LRRFIP2: variants seen among roughly 807,000 people sequenced by gnomAD.
LRRFIP2 encodes leucine-rich repeat flightless-interacting protein 2.
A neutral mutation model predicts 125.9 loss-of-function variants in LRRFIP2; 109 were observed. That is an observed-to-expected ratio of 0.87 (90% CI 0.74 to 1.01). The LOEUF (loss-of-function observed/expected upper bound fraction) is 1.01, where lower values mean the gene tolerates loss of function less well. Ranked by LOEUF, LRRFIP2 falls within the 50% of genes least tolerant of loss-of-function variation. The pLI is 0.00. For missense variants in LRRFIP2, 850 were observed against 862.3 expected (o/e 0.99, Z 0.18); for synonymous variants, 291 against 293.1 (o/e 0.99, Z 0.07).
chr3:37,070,872 T>C (rs2091067204), intron 21 of LRRFIP2, among the ~76,000 whole-genome samples: 1 of 152,184 alleles, frequency 6.6e-6, no homozygotes, highest in South Asian at 2.1e-4. Context: ...CTAGAAATCC[T>C]GGGCCTACAG....
intron 8 of LRRFIP2, among the ~76,000 whole-genome samples, chr3:37,111,605 G>C (rs1374953036): frequency 6.6e-6 from 1 of 152,192 alleles, no homozygotes; most frequent in South Asian, 2.1e-4. Flanking sequence ...AATTGAGGGA[G>C]AGAAAACCAT....
At chr3:37,102,211 A>G (rs960282489) in intron 15 of LRRFIP2, among the ~76,000 whole-genome samples, 1 of 152,206 alleles carries the variant, frequency 6.6e-6, no homozygotes, top group African/African-American at 2.4e-5. Flanking sequence ...TAATGATATA[A>G]GAGATCTGAA....
chr3:37,139,221 T>C (rs1427469407), intron 2 of LRRFIP2, among the ~76,000 whole-genome samples: 1 of 152,162 alleles, frequency 6.6e-6, no homozygotes, highest in African/African-American at 2.4e-5. Flanking sequence ...CATAAGTAAC[T>C]GAAACCTCAG....
At chr3:37,137,273 T>C (rs2095582336) in intron 2 of LRRFIP2, among the ~76,000 whole-genome samples, 1 of 152,134 alleles carries the variant, frequency 6.6e-6, no homozygotes, top group East Asian at 1.9e-4. Flanking sequence ...CCACCACACC[T>C]GGCCTTATTT....
intron 1 of LRRFIP2, among the ~76,000 whole-genome samples, chr3:37,173,475 C>G (rs1283725479): frequency 6.6e-6 from 1 of 152,152 alleles, no homozygotes; most frequent in South Asian, 2.1e-4. Context: ...ATGATGATCA[C>G]AGATTATATT....
rs1008322738 is a variant in LRRFIP2 at position 37,057,532 on chromosome 3, C to G, written c.1870+1258G>C. On this transcript the variant is annotated intron_variant, in intron 25 of 27. Transcript: ENST00000336686. ...TAAGCCTTAACCCAAAAAGTCTTTT[C>G]TCTTTTTTTTTTTTTTGAAGAGACG... 4.5e-5 allele frequency among the ~76,000 whole-genome samples: 6 copies of G among 134,770 alleles called. No homozygotes were observed. The East Asian group carries it at 9.8e-4, about 22-fold the overall frequency. 88.4% of individuals were successfully genotyped at this position (134,770 alleles called of 152,430 possible).
At chr3:37,084,497 G>A (rs2092894887) in intron 18 of LRRFIP2, among the ~76,000 whole-genome samples, 1 of 150,988 alleles carries the variant, frequency 6.6e-6, no homozygotes, top group African/African-American at 2.4e-5. Context: ...ACCTGTCTCT[G>A]TAAAAAAAAA....
chr3:37,069,773 C>G (rs1316855630), intron 21 of LRRFIP2, among the ~76,000 whole-genome samples: 1 of 152,168 alleles, frequency 6.6e-6, no homozygotes, highest in Admixed American at 6.5e-5. Context: ...GATTCAATAA[C>G]TTGGAAGAAT....
rs151089817 is a variant in LRRFIP2 at position 37,085,880 on chromosome 3, C to A, written c.1108-2074G>T. 3.5e-3 allele frequency among the ~76,000 whole-genome samples: 540 copies of A among 152,118 alleles called. 2 individuals carry two copies. Among genetic ancestry groups the A allele is most frequent in the African/African-American group, 0.012 (507 of 41,464 alleles). The stretch of plus-strand genomic sequence containing the variant: ...TACAGGTATGAGCCACTGCGCCTGG[C>A]CCAAATGTAAAACCTTTATGCTGCA... On this transcript the variant is annotated intron_variant, in intron 18 of 27. Transcript: ENST00000336686.
chr3:37,115,167 T>C, intron 6 of LRRFIP2, 72 bp from the exon 7 acceptor site: 7 of 1,029,562 alleles, frequency 6.8e-6, no homozygotes, highest in Non-Finnish European at 8.9e-6. Context: ...AGAAGTAATA[T>C]TTGAGGTTAT....
At chr3:37,110,964 C>T in intron 9 of LRRFIP2, 27 bp downstream of exon 9, 8 of 1,607,174 alleles carry the variant, frequency 5.0e-6, no homozygotes, top group Non-Finnish European at 6.8e-6. Flanking sequence ...GAATCAAACA[C>T]ATAAAGCCAA....
intron 15 of LRRFIP2, among the ~76,000 whole-genome samples, chr3:37,097,373 A>G (rs1030213691): frequency 3.3e-5 from 5 of 152,082 alleles, no homozygotes; most frequent in Admixed American, 3.3e-4. Flanking sequence ...AGTCTCAGAG[A>G]TTTGAGAAAT....
intron 1 of LRRFIP2, among the ~76,000 whole-genome samples, chr3:37,169,473 G>A (rs1188958079): frequency 6.6e-6 from 1 of 151,950 alleles, no homozygotes; most frequent in Non-Finnish European, 1.5e-5. Context: ...TAATCCTTAG[G>A]TCACTTAACT....
At chr3:37,130,959 G>A (rs986461836) in intron 2 of LRRFIP2, among the ~76,000 whole-genome samples, 4 of 152,198 alleles carry the variant, frequency 2.6e-5, no homozygotes, top group Non-Finnish European at 5.9e-5. Flanking sequence ...AGAAATTTGT[G>A]CTAGTTTTGC....
At chr3:37,065,718 T>G in intron 23 of LRRFIP2, 92 bp downstream of exon 23, 1 of 1,507,162 alleles carries the variant, frequency 6.6e-7, no homozygotes, top group Non-Finnish European at 9.2e-7. Context: ...TCAGCCCTTA[T>G]GCTGTTTTTG....
At chr3:37,086,987 G>A (rs554075464) in intron 18 of LRRFIP2, among the ~76,000 whole-genome samples, 7 of 151,504 alleles carry the variant, frequency 4.6e-5, no homozygotes, top group Admixed American at 1.3e-4. Context: ...TCAGCCTCCC[G>A]AGTAACTGGG....
rs796571115 is a variant in LRRFIP2, at chr3:37,136,967, G to A, written c.91-7818C>T. ...TTTTCTTTCTTTTTTGGGGGGGGTG[G>A]GGGGGTGGGGGGGGGGCGGGGACAG... On this transcript the variant is annotated intron_variant, in intron 2 of 27. Coordinates refer to ENST00000336686, the MANE Select transcript of LRRFIP2 (RefSeq NM_006309.4). 1.0e-2 allele frequency among the ~76,000 whole-genome samples: 1,043 copies of A among 104,344 alleles called. 11 individuals carry two copies. Among genetic ancestry groups the A allele is most frequent in the African/African-American group, 0.035 (968 of 27,814 alleles). 68.5% of individuals were successfully genotyped at this position (104,344 alleles called of 152,430 possible). A position where few individuals can be genotyped will look rare whatever the true frequency, so the allele number is the denominator to read the frequency against.
intron 2 of LRRFIP2, among the ~76,000 whole-genome samples, chr3:37,136,014 A>G (rs2095547281): frequency 6.6e-6 from 1 of 152,266 alleles, no homozygotes; most frequent in African/African-American, 2.4e-5. Context: ...TATTGACAAT[A>G]GCCAAAAAGT....
chr3:37,152,797 A>C (rs975354477), intron 1 of LRRFIP2, among the ~76,000 whole-genome samples: 2 of 152,240 alleles, frequency 1.3e-5, no homozygotes, highest in Non-Finnish European at 2.9e-5. Flanking sequence ...TCTACTAAAA[A>C]TAAGCAACAT....
Sources: gnomAD v4.1 joint callset for allele counts (sites outside exome capture counted in the v4.1 genomes callset) on GRCh38, gnomAD v4.1.1 for gene constraint, MANE v1.5 for transcripts, NCBI Gene and HGNC (gene_info 2026-07-23, HGNC 2026-07-21) for gene names.